Variants in PHACTR1 observed in about 807,000 individuals in gnomAD.
The protein encoded by PHACTR1 is RPEL repeat containing 1.
PHACTR1 carries 16 observed loss-of-function variants against 69.2 expected under a neutral mutation model. That is an observed-to-expected ratio of 0.23 (90% CI 0.16 to 0.35). The LOEUF is 0.35. PHACTR1 is among the 10% of genes least tolerant of loss of function. The pLI is 1.00. For missense variants in PHACTR1, 510 were observed against 734.7 expected (o/e 0.69, Z 3.54); for synonymous variants, 312 against 284.5 (o/e 1.10, Z -0.97).
At chr6:13,189,135 T>G (rs1763177503) in intron 7 of PHACTR1, among the ~76,000 whole-genome samples, 1 of 152,208 alleles carries the variant, frequency 6.6e-6, no homozygotes, top group Non-Finnish European at 1.5e-5. Flanking sequence ...ATAAATCAAT[T>G]TAGCTGGACT....
At chr6:13,042,191 C>A (rs555951506) in intron 4 of PHACTR1, among the ~76,000 whole-genome samples, 2 of 152,114 alleles carry the variant, frequency 1.3e-5, no homozygotes, top group Admixed American at 6.6e-5. Context: ...AAATGTTATA[C>A]CCCACCTACA....
At position 12,825,216 on chromosome 6, in the gene PHACTR1, A is replaced by T. The variant is rs142713770; in HGVS notation, c.250+75426A>T. Among the ~76,000 whole-genome samples, 20 of 152,076 alleles carry T rather than the reference A, an allele frequency of 1.3e-4. No individual in the cohort carries two copies. The East Asian group carries it at 3.7e-3, about 28-fold the overall frequency. ...TAGTCCTAGCTACTCAAGAGGCTGG[A>T]TCAGGATGATGGCTTGAGCCCCGGA... On this transcript the variant is annotated intron_variant, in intron 4 of 14. Transcript: ENST00000332995.
intron 5 of PHACTR1, among the ~76,000 whole-genome samples, chr6:13,101,809 G>T (rs1014942160): frequency 1.3e-5 from 2 of 152,180 alleles, no homozygotes; most frequent in South Asian, 4.2e-4. Context: ...AAGAATGGCT[G>T]TCACAAACTC....
intron 5 of PHACTR1, among the ~76,000 whole-genome samples, chr6:13,142,807 T>G (rs1822701003): frequency 6.6e-6 from 1 of 151,764 alleles, no homozygotes; most frequent in Non-Finnish European, 1.5e-5. Flanking sequence ...ACTGTGGCTT[T>G]GTAGTAAATA....
In PHACTR1 at chr6:12,848,350, T is replaced by A. The variant is rs547457664; in HGVS notation, c.250+98560T>A. Among the ~76,000 whole-genome samples the A allele has an allele frequency of 7.5e-4, 114 of 152,302 alleles. 1 individual carries two copies. Among genetic ancestry groups the A allele is most frequent in the Non-Finnish European group, 1.5e-3 (99 of 68,022 alleles). ...ATATACATATGTTAAACTACAAGATTTTCTATAAACACAAACACACATAAG... is the reference window on the plus strand; with the variant it reads ...ATATACATATGTTAAACTACAAGATATTCTATAAACACAAACACACATAAG... On this transcript the variant is annotated intron_variant, in intron 4 of 14. Coordinates refer to ENST00000332995, the MANE Select transcript of PHACTR1 (RefSeq NM_030948.6).
intron 4 of PHACTR1, among the ~76,000 whole-genome samples, chr6:12,944,787 A>ATTTATTTATT (rs1554172585): frequency 1.7e-3 from 200 of 116,382 alleles, no homozygotes; most frequent in African/African-American, 5.1e-3. Context: ...ATTTTTATTT[A>ATTTATTTATT]TTTTTTTTTT....
chr6:13,074,386 A>G (rs1224025557), intron 5 of PHACTR1, among the ~76,000 whole-genome samples: 1 of 152,228 alleles, frequency 6.6e-6, no homozygotes, highest in Non-Finnish European at 1.5e-5. Flanking sequence ...GTGTTAAAGT[A>G]GACTGGGAAA....
chr6:12,778,993 T>G (rs1383085164), intron 4 of PHACTR1, among the ~76,000 whole-genome samples: 4 of 152,202 alleles, frequency 2.6e-5, no homozygotes, highest in African/African-American at 7.2e-5. Flanking sequence ...AGTGCCCTCG[T>G]GATATGACAT....
intron 4 of PHACTR1, among the ~76,000 whole-genome samples, chr6:12,946,487 T>C (rs1329112416): frequency 6.6e-6 from 1 of 151,160 alleles, no homozygotes; most frequent in Non-Finnish European, 1.5e-5. Context: ...TAAGAGAGGG[T>C]AAGGATGTGA....
At chr6:13,095,958 A>G (rs1484085287) in intron 5 of PHACTR1, among the ~76,000 whole-genome samples, 1 of 151,964 alleles carries the variant, frequency 6.6e-6, no homozygotes, top group Non-Finnish European at 1.5e-5. Flanking sequence ...GTCCCTTTTG[A>G]TCTGTGTGCT....
At chr6:12,853,522 A>G (rs1357839686) in intron 4 of PHACTR1, among the ~76,000 whole-genome samples, 3 of 152,246 alleles carry the variant, frequency 2.0e-5, no homozygotes, top group Non-Finnish European at 4.4e-5. Flanking sequence ...GAGAGGGTGT[A>G]TTAGTCCGTT....
intron 4 of PHACTR1, among the ~76,000 whole-genome samples, chr6:12,842,709 T>C (rs972769349): frequency 1.1e-4 from 11 of 95,892 alleles, no homozygotes; most frequent in Middle Eastern, 4.8e-3. Context: ...GCCCAGCTGA[T>C]TTTTTTTTTT....
intron 8 of PHACTR1, 28 bp downstream of exon 8, chr6:13,206,164 G>T (rs777125199): frequency 6.6e-7 from 1 of 1,517,450 alleles, no homozygotes; most frequent in Admixed American, 2.0e-5. Context: ...GAGGGAGGAC[G>T]GGAGGAGAGG....
chr6:12,947,437 A>G (rs530982773), intron 4 of PHACTR1, among the ~76,000 whole-genome samples: 7 of 152,174 alleles, frequency 4.6e-5, no homozygotes, highest in Non-Finnish European at 7.4e-5. Context: ...GTTCAATGAG[A>G]AATAAAGAAG....
chr6:13,184,609 CCT>C (rs1243102864), intron 7 of PHACTR1, among the ~76,000 whole-genome samples: 1 of 152,224 alleles, frequency 6.6e-6, no homozygotes, highest in Non-Finnish European at 1.5e-5. Flanking sequence ...TCCTCTGCCT[CCT>C]CTCTCTGTCC....
intron 4 of PHACTR1, among the ~76,000 whole-genome samples, chr6:13,000,984 A>G (rs1297655372): frequency 6.6e-6 from 1 of 152,206 alleles, no homozygotes; most frequent in Non-Finnish European, 1.5e-5. Context: ...GAATGTATTG[A>G]TCACTTTGAG....
chr6:12,758,876 G>A (rs761375569), intron 4 of PHACTR1, among the ~76,000 whole-genome samples: 49 of 152,074 alleles, frequency 3.2e-4, no homozygotes, highest in Non-Finnish European at 5.4e-4. Flanking sequence ...TGATCCTTGC[G>A]TTTTGGGAGG....
chr6:13,210,110 C>G (rs766625336), intron 8 of PHACTR1, among the ~76,000 whole-genome samples: 7 of 152,152 alleles, frequency 4.6e-5, no homozygotes, highest in Non-Finnish European at 1.0e-4. Context: ...CAGGCTCAAG[C>G]AATTCTCCCA....
chr6:12,840,332 G>T (rs947847502), intron 4 of PHACTR1, among the ~76,000 whole-genome samples: 13 of 152,172 alleles, frequency 8.5e-5, no homozygotes, highest in African/African-American at 3.1e-4. Context: ...CAAAGCAACT[G>T]GCTTTAGTCA....
Sources: allele counts gnomAD v4.1 joint callset (sites outside exome capture counted in the v4.1 genomes callset), GRCh38; gene constraint gnomAD v4.1.1; transcripts MANE v1.5; gene names NCBI Gene and HGNC (gene_info 2026-07-23, HGNC 2026-07-21).